RBM25: variants seen among roughly 807,000 people sequenced by gnomAD.
RBM25 encodes the protein RNA-binding protein 25.
A neutral mutation model predicts 120.7 loss-of-function variants in RBM25; 19 were observed. The ratio of observed to expected loss-of-function variants is 0.16; its 90% CI spans 0.11 to 0.23. RBM25 has a LOEUF of 0.23. RBM25 is among the 10% of genes least tolerant of loss of function. RBM25 has a pLI of 1.00. For synonymous variants in RBM25, 390 were observed against 326.7 expected (o/e 1.19, Z -2.09); for missense variants, 605 against 1,041.5 (o/e 0.58, Z 5.77).
rs1463680640 is a variant in RBM25, at chr14:73,068,413, T to A, written c.-15-3214T>A. On this transcript the variant is annotated intron_variant, in intron 1 of 18. Coordinates refer to ENST00000261973, the MANE Select transcript of RBM25 (RefSeq NM_021239.3). ...TTTTTTTTTTTTTTTTTTGGTTCAT[T>A]TACAGGATCTGAGACTTATTCAGAC... The A allele has an allele frequency of 3.6e-5, 24 of 663,090 alleles. No homozygotes were observed. The East Asian group carries it at 4.8e-4, about 13-fold the overall frequency. 41.1% of individuals were successfully genotyped at this position (663,090 alleles called of 1,614,324 possible). A position where few individuals can be genotyped will look rare whatever the true frequency, so the allele number is the denominator to read the frequency against.
intron 17 of RBM25, among the ~76,000 whole-genome samples, chr14:73,113,598 G>T (rs767844455): frequency 4.5e-4 from 69 of 152,034 alleles, no homozygotes; most frequent in Admixed American, 2.3e-3. Context: ...GGCTGAGGCA[G>T]GAGAATCACT....
intron 1 of RBM25, among the ~76,000 whole-genome samples, chr14:73,062,577 A>G (rs949325974): frequency 6.6e-6 from 1 of 151,648 alleles, no homozygotes; most frequent in Middle Eastern, 3.4e-3. Flanking sequence ...AGTATTCTTA[A>G]GAGTGCAGAA....
intron 1 of RBM25, among the ~76,000 whole-genome samples, chr14:73,063,710 T>A (rs1234527647): frequency 6.6e-6 from 1 of 151,262 alleles, no homozygotes; most frequent in East Asian, 1.9e-4. Flanking sequence ...TACCATCTCT[T>A]ATATGGATTA....
intron 14 of RBM25, 40 bp downstream of exon 14, chr14:73,109,532 G>A (rs1192623764): frequency 8.2e-6 from 13 of 1,577,552 alleles, no homozygotes; most frequent in South Asian, 1.2e-5. Context: ...GGTGGCTCAC[G>A]CCTGTAATCC....
rs369930920 is a variant in RBM25, at chr14:73,059,619, C to CT, written c.-16+915dup. 1.6e-3 allele frequency among the ~76,000 whole-genome samples: 243 copies of CT among 152,244 alleles called. 2 individuals carry two copies. Among genetic ancestry groups the CT allele is most frequent in the African/African-American group, 5.4e-3 (223 of 41,542 alleles). On this transcript the variant is annotated intron_variant, in intron 1 of 18. Transcript: ENST00000261973. ...TACTGCTGTATTAGTGTGAAGTACT[C>CT]TGTGTATTAGGCCGTGGGCAGTAAT...
intron 1 of RBM25, among the ~76,000 whole-genome samples, chr14:73,068,984 A>G (rs1895210733): frequency 6.6e-6 from 1 of 152,006 alleles, no homozygotes; most frequent in Non-Finnish European, 1.5e-5. Flanking sequence ...GCTCAGTGCA[A>G]ACTCCGCACC....
At chr14:73,066,459 A>C (rs1292392326) in intron 1 of RBM25, among the ~76,000 whole-genome samples, 1 of 152,112 alleles carries the variant, frequency 6.6e-6, no homozygotes, top group Non-Finnish European at 1.5e-5. Context: ...ATACATGGTG[A>C]AACCCCGTCT....
At chr14:73,113,056 A>T (rs574907984) in intron 17 of RBM25, among the ~76,000 whole-genome samples, 1 of 152,004 alleles carries the variant, frequency 6.6e-6, no homozygotes, top group Non-Finnish European at 1.5e-5. Flanking sequence ...ATAGGAGTAC[A>T]TGTGCCATGG....
At chr14:73,115,328 C>G (rs758287946) in intron 18 of RBM25, among the ~76,000 whole-genome samples, 1 of 152,272 alleles carries the variant, frequency 6.6e-6, no homozygotes, top group Non-Finnish European at 1.5e-5. Flanking sequence ...CTCCTCCCAC[C>G]CTCTGCCCTA....
At chr14:73,111,447 A>G in intron 15 of RBM25, 81 bp from the exon 16 acceptor site, 1 of 1,398,970 alleles carries the variant, frequency 7.1e-7, no homozygotes, top group Non-Finnish European at 9.7e-7. Context: ...TATATTTTGC[A>G]TTGCTTTTGA....
chr14:73,071,239 T>C (rs1895282345), intron 1 of RBM25, among the ~76,000 whole-genome samples: 1 of 57,666 alleles, frequency 1.7e-5, no homozygotes, highest in Non-Finnish European at 3.6e-5. Context: ...AGACTCTGTC[T>C]CAAAAAAAAA....
At chr14:73,091,160 CACTAT>C (rs1486034755) in intron 6 of RBM25, among the ~76,000 whole-genome samples, 1 of 152,188 alleles carries the variant, frequency 6.6e-6, no homozygotes, top group Non-Finnish European at 1.5e-5. Context: ...TGAAATAAGT[CACTAT>C]ACTACGTATT....
intron 1 of RBM25, among the ~76,000 whole-genome samples, chr14:73,063,582 A>G (rs1269286316): frequency 6.6e-6 from 1 of 151,450 alleles, no homozygotes; most frequent in Non-Finnish European, 1.5e-5. Flanking sequence ...TTTAAATCCC[A>G]CATATTATAC....
chr14:73,068,186 G>T (rs769820177), intron 1 of RBM25: 3 of 856,140 alleles, frequency 3.5e-6, no homozygotes, highest in Non-Finnish European at 5.9e-6. Context: ...TTGATATGTG[G>T]AAAGCCTTGT....
chr14:73,103,901 GTCTGTCTCTCTCTCTCTC>G (rs1252699951), intron 10 of RBM25, among the ~76,000 whole-genome samples: 2 of 71,634 alleles, frequency 2.8e-5, no homozygotes, highest in African/African-American at 6.3e-5. Context: ...CTGTCTGTCT[GTCTGTCTCTCTCTCTCTC>G]TCTCTCTCTC....
chr14:73,080,838 T>A (rs1257858144), intron 4 of RBM25, among the ~76,000 whole-genome samples: 1 of 138,596 alleles, frequency 7.2e-6, no homozygotes, highest in Non-Finnish European at 1.5e-5. Context: ...TTTTTTTTTT[T>A]ATTTGAGATG....
chr14:73,101,506 A>T (rs937373172), intron 9 of RBM25: 1 of 143,088 alleles, frequency 7.0e-6, no homozygotes, highest in African/African-American at 2.5e-5. Context: ...ATTTGTATAC[A>T]TGTGTGTATA....
intron 4 of RBM25, among the ~76,000 whole-genome samples, chr14:73,080,349 A>G (rs893007128): frequency 2.0e-5 from 3 of 146,680 alleles, no homozygotes; most frequent in African/African-American, 7.6e-5. Flanking sequence ...TCAGCTTCCC[A>G]AGTAGCTGGG....
rs1895610819 is a variant in RBM25, at chr14:73,083,440, TA to T, written c.325-49del. 13 of 1,373,586 alleles carry T rather than the reference TA, an allele frequency of 9.5e-6. No homozygotes were observed. The South Asian group carries it at 1.9e-4, about 20-fold the overall frequency. The allele number at this position is 1,373,586 out of a possible 1,614,324, so 85.1% of individuals were successfully genotyped here. A position where few individuals can be genotyped will look rare whatever the true frequency, so the allele number is the denominator to read the frequency against. On this transcript the variant is annotated intron_variant, in intron 4 of 18. Transcript: ENST00000261973. ...AATATAATTTTGCTTTTAGTTACAT[TA>T]AAAATTATTTTGTTAAATGGTAGCA...
Sources: gnomAD v4.1 joint callset for allele counts (sites outside exome capture counted in the v4.1 genomes callset) on GRCh38, gnomAD v4.1.1 for gene constraint, MANE v1.5 for transcripts, NCBI Gene and HGNC (gene_info 2026-07-23, HGNC 2026-07-21) for gene names.